Variants in NOTCH1 observed in about 807,000 individuals in gnomAD.
The protein encoded by NOTCH1 is neurogenic locus notch homolog protein 1.
In NOTCH1, 37 loss-of-function variants were observed where a neutral mutation model predicts 254.8. That is an observed-to-expected ratio of 0.15 (90% CI 0.11 to 0.19). The LOEUF is 0.19. NOTCH1 is among the 10% of genes least tolerant of loss of function. The pLI, the probability that NOTCH1 is intolerant of heterozygous loss-of-function variation, is 1.00. For synonymous variants in NOTCH1, 1,731 were observed against 1,618.1 expected (o/e 1.07, Z -1.68); for missense variants, 2,972 against 3,708.6 (o/e 0.80, Z 5.16).
intron 13 of NOTCH1, among the ~76,000 whole-genome samples, 196 bp downstream of exon 13, chr9:136,514,314 C>A (rs530956423): frequency 1.3e-5 from 2 of 152,340 alleles, no homozygotes; most frequent in East Asian, 3.9e-4. Context: ...ACGCAGCACA[C>A]AGCTGCTGGG....
Position 136,523,187 on chromosome 9 carries a change from C to T in NOTCH1, c.405G>A (p.Gly135=). ...ACGGGTCAGCCTGCTGGCACGATTT[C>T]CCTGGAGACAAGGGGACAAGAGGGT... ...YKCRCPPGWS[G]KSCQQADPCA... is the part of the protein sequence containing the mutation. The change falls in exon 4 of 34, where the codon GGG becomes GGA. Residue 135 remains glycine, a splice_region_variant and synonymous_variant. Coordinates refer to ENST00000651671, the MANE Select transcript of NOTCH1 (RefSeq NM_017617.5). 1.3e-6 allele frequency: 2 copies of T among 1,599,114 alleles called. No homozygotes were observed. Among genetic ancestry groups the T allele is most frequent in the Non-Finnish European group, 8.5e-7 (1 of 1,174,114 alleles).
chr9:136,523,404 G>A (rs1308196087), intron 3 of NOTCH1, among the ~76,000 whole-genome samples: 1 of 152,228 alleles, frequency 6.6e-6, no homozygotes, highest in African/African-American at 2.4e-5. Context: ...TCCCAGAGCT[G>A]ACACCTCCAG....
chr9:136,504,562 A>C (rs1843046453), intron 26 of NOTCH1, 111 bp downstream of exon 26: 1 of 1,174,462 alleles, frequency 8.5e-7, no homozygotes, highest in Non-Finnish European at 1.2e-6. Flanking sequence ...TTTTACCATA[A>C]AGTGGGGAGA....
Position 136,519,214 on chromosome 9 carries a change from C to T in NOTCH1, c.865+229G>A, listed in dbSNP as rs543209990. 1.2e-3 allele frequency among the ~76,000 whole-genome samples: 189 copies of T among 152,352 alleles called. 1 individual carries two copies. Among genetic ancestry groups the T allele is most frequent in the African/African-American group, 3.8e-3 (157 of 41,588 alleles). On this transcript the variant is annotated intron_variant, in intron 5 of 33. Coordinates refer to ENST00000651671, the MANE Select transcript of NOTCH1 (RefSeq NM_017617.5). The stretch of plus-strand genomic sequence containing the variant: ...TGCCTGGAGCCAGGTTGCAAACGGC[C>T]CACACAGACCAACCAGGGCCCTGTC...
intron 4 of NOTCH1, among the ~76,000 whole-genome samples, chr9:136,521,339 C>A (rs1843363765): frequency 6.6e-6 from 1 of 152,136 alleles, no homozygotes. Context: ...ACCCCACCAG[C>A]CCCTCCCCTT....
rs771476319 is a variant in NOTCH1 at position 136,505,615 on chromosome 9, G to C, written c.4281C>G (p.Ile1427Met). The change falls in exon 25 of 34, where the codon ATC (isoleucine) becomes ATG (methionine). Residue 1427 changes from isoleucine to methionine, a missense_variant. Coordinates refer to ENST00000651671, the MANE Select transcript of NOTCH1 (RefSeq NM_017617.5). ...PAKFNGLLCHILDYSFGGGAG... is the reference protein window; with the variant it reads ...PAKFNGLLCHMLDYSFGGGAG... Reference sequence around the variant, plus strand: ...CCCCACCCCCGAAGCTGTAGTCCAGGATGTGGCACAAGAGCCCGTTGAATT... The same window carrying C: ...CCCCACCCCCGAAGCTGTAGTCCAGCATGTGGCACAAGAGCCCGTTGAATT... 6.2e-7 allele frequency: 1 copy of C among 1,612,124 alleles called. No individual in the cohort carries two copies. The highest frequency in any genetic ancestry group is 8.5e-7 in the Non-Finnish European group (1 of 1,179,616).
rs1290954710 is a variant in NOTCH1, at chr9:136,518,230, C to T, written c.1162G>A (p.Asp388Asn). Residue 388 changes from aspartate (D) to asparagine (N), a missense_variant, in exon 7 of 34, where the codon GAC (aspartate) becomes AAC (asparagine). Coordinates refer to ENST00000651671, the MANE Select transcript of NOTCH1 (RefSeq NM_017617.5). ...SNPCNEGSNC[D>N]TNPVNGKAIC... ...GCCTTGCCATTGACAGGGTTGGTGT[C>T]GCAGTTGGAGCCCTCGTTACAGGGG... 5 of 1,609,910 alleles carry T rather than the reference C, an allele frequency of 3.1e-6. No homozygotes were observed. Among genetic ancestry groups the T allele is most frequent in the South Asian group, 1.1e-5 (1 of 90,398 alleles).
chr9:136,512,334 G>T (rs576328000), intron 15 of NOTCH1, among the ~76,000 whole-genome samples: 1 of 152,310 alleles, frequency 6.6e-6, no homozygotes, highest in East Asian at 1.9e-4. Flanking sequence ...GGCCCAGGCA[G>T]GCCCTCCCTG....
In NOTCH1 at chr9:136,506,004, C is replaced by A; in HGVS notation, c.4015-123G>T. 1.2e-6 allele frequency: 1 copy of A among 830,650 alleles called. No individual in the cohort carries two copies. Among genetic ancestry groups the A allele is most frequent in the South Asian group, 1.7e-5 (1 of 58,844 alleles). 51.5% of individuals were successfully genotyped at this position (830,650 alleles called of 1,614,324 possible). A position where few individuals can be genotyped will look rare whatever the true frequency, so the allele number is the denominator to read the frequency against. On this transcript the variant is annotated intron_variant, in intron 24 of 33. Coordinates refer to ENST00000651671, the MANE Select transcript of NOTCH1 (RefSeq NM_017617.5). This position sits in a 1 kb window ranked among gnomAD's most constrained non-coding sequence, Gnocchi z 4.5. ...CTCTAACCTGGGAGGCGGCCTGCAA[C>A]CTTGCCCCCAGCAGCAAAACCCTTT...
Position 136,509,771 on chromosome 9 carries a change from C to T in NOTCH1, c.2931G>A (p.Gly977=), listed in dbSNP as rs767071793. The change falls in exon 18 of 34, where the codon GGG becomes GGA. Residue 977 remains glycine (G), a synonymous_variant. Coordinates refer to ENST00000651671, the MANE Select transcript of NOTCH1 (RefSeq NM_017617.5). ...YTCTCPAGFS[G]IHCENNTPDC... ...CAGGCGTGTTGTTCTCACAGTGGAT[C>T]CCGCTGAAGCCTGCGGGGCAGGTGC... The T allele has an allele frequency of 6.2e-6, 10 of 1,612,976 alleles. No homozygotes were observed. The East Asian group carries it at 2.2e-4, about 36-fold the overall frequency.
intron 2 of NOTCH1, among the ~76,000 whole-genome samples, chr9:136,531,893 G>A (rs1193110700): frequency 6.6e-6 from 1 of 152,218 alleles, no homozygotes; most frequent in East Asian, 1.9e-4. Context: ...CCGGCTCCCT[G>A]CTCTCTGACC....
chr9:136,521,977 C>CTTTTTTTT (rs60668167), intron 4 of NOTCH1, among the ~76,000 whole-genome samples: 1 of 141,060 alleles, frequency 7.1e-6, no homozygotes, highest in Admixed American at 7.1e-5. Flanking sequence ...TTTCTCTTCA[C>CTTTTTTTT]TTTTTTTTTT....
In NOTCH1 at chr9:136,509,860, C is replaced by T. The variant is rs1843150542; in HGVS notation, c.2842G>A (p.Glu948Lys). 4 of 1,612,996 alleles carry T rather than the reference C, an allele frequency of 2.5e-6. No homozygotes were observed. The highest frequency in any genetic ancestry group is 2.2e-5 in the East Asian group (1 of 44,896). The change falls in exon 18 of 34, where the codon GAG becomes AAG. Residue 948 changes from glutamate to lysine, a missense_variant. Glu to Lys is a moderately conservative substitution (Grantham distance 56). Transcript: ENST00000651671. ...TTGCGGCAGGGGTCACTGGCACACTCGTTGATGTCCTCCTCACAGAAAGTG... is the reference window on the plus strand; with the variant it reads ...TTGCGGCAGGGGTCACTGGCACACTTGTTGATGTCCTCCTCACAGAAAGTG... ...RGTFCEEDINECASDPCRNGA... is the reference protein window; with the variant it reads ...RGTFCEEDINKCASDPCRNGA...
chr9:136,499,367 CGAGACCCTCCT>C (rs1015074366), intron 31 of NOTCH1, 108 bp from the exon 32 acceptor site: 1 of 1,474,236 alleles, frequency 6.8e-7, no homozygotes, highest in Non-Finnish European at 9.2e-7. Context: ...CGGACACAGA[CGAGACCCTCCT>C]GAGATCGGCA....
Position 136,504,837 on chromosome 9 carries a change from G to A in NOTCH1, c.4854C>T (p.Pro1618=), listed in dbSNP as rs2133336406. The change falls in exon 26 of 34, where the codon CCC becomes CCT. Residue 1618 remains proline (P), a synonymous_variant. Transcript: ENST00000651671. ...RDAHGQQMIF[P]YYGREEELRK... The stretch of plus-strand genomic sequence containing the variant: ...GCAGCTCCTCCTCGCGGCCGTAGTA[G>A]GGGAAGATCATCTGCTGGCCGTGTG... 2 of 1,578,894 alleles carry A rather than the reference G, an allele frequency of 1.3e-6. No individual in the cohort carries two copies. Among genetic ancestry groups the A allele is most frequent in the South Asian group, 2.3e-5 (2 of 86,362 alleles).
At chr9:136,534,368 G>A (rs1055277080) in intron 2 of NOTCH1, among the ~76,000 whole-genome samples, 4 of 152,214 alleles carry the variant, frequency 2.6e-5, no homozygotes, top group African/African-American at 9.7e-5. Context: ...GAGGCCAGGG[G>A]ACTGCGTAGA....
chr9:136,502,185 G>T, intron 28 of NOTCH1, 87 bp downstream of exon 28: 1 of 1,576,684 alleles, frequency 6.3e-7, no homozygotes, highest in Non-Finnish European at 8.6e-7. Flanking sequence ...TGGGCCCTGG[G>T]TCGGGAGGGG....
At position 136,510,012 on chromosome 9, in the gene NOTCH1, T is replaced by C. The variant is rs73668314; in HGVS notation, c.2741-51A>G. 8,401 of 1,538,232 alleles carry C rather than the reference T, an allele frequency of 5.5e-3. 276 individuals carry two copies. The African/African-American group carries it at 0.083, about 15-fold the overall frequency. On this transcript the variant is annotated intron_variant, in intron 17 of 33. Transcript: ENST00000651671. Reference sequence around the variant, plus strand: ...TGAGGGGCAGGCACAAACCCACACCTGCGGGAGGGGGCCGGGAAGGCTGCA... The same window carrying C: ...TGAGGGGCAGGCACAAACCCACACCCGCGGGAGGGGGCCGGGAAGGCTGCA...
chr9:136,494,765 C>T lies in NOTCH1; in HGVS notation c.*1306G>A. The stretch of plus-strand genomic sequence containing the variant: ...CGTCCCTCACTGGCATGACACACAA[C>T]AGACTCATTCATTAAGATTTTTTAA... On this transcript the variant is annotated 3_prime_UTR_variant, in exon 34 of 34. Coordinates refer to ENST00000651671, the MANE Select transcript of NOTCH1 (RefSeq NM_017617.5). 2.5e-6 allele frequency: 1 copy of T among 398,758 alleles called. No homozygotes were observed. Among genetic ancestry groups the T allele is most frequent in the Non-Finnish European group, 4.4e-6 (1 of 226,030 alleles). 24.7% of individuals were successfully genotyped at this position (398,758 alleles called of 1,614,324 possible). A position where few individuals can be genotyped will look rare whatever the true frequency, so the allele number is the denominator to read the frequency against.
Sources: gnomAD v4.1 joint callset for allele counts (sites outside exome capture counted in the v4.1 genomes callset) on GRCh38, gnomAD v4.1.1 for gene constraint, Gnocchi (gnomAD v3.1) non-coding constraint, MANE v1.5 for transcripts, NCBI Gene and HGNC (gene_info 2026-07-23, HGNC 2026-07-21) for gene names.